TEN1: variants seen among roughly 807,000 people sequenced by gnomAD.
TEN1 encodes the protein TEN1 subunit of CST complex.
TEN1 carries 6 observed loss-of-function variants against 9.3 expected under a neutral mutation model. That is an observed-to-expected ratio of 0.65 (90% CI 0.35 to 1.27). The LOEUF (loss-of-function observed/expected upper bound fraction) is 1.27, where lower values mean the gene tolerates loss of function less well. TEN1 is among the 50% of genes most tolerant of loss of function. TEN1 has a pLI of 0.03. For synonymous variants in TEN1, 65 were observed against 65.6 expected (o/e 0.99, Z 0.04); for missense variants, 149 against 158.2 (o/e 0.94, Z 0.31).
chr17:75,981,434 G>A (rs982120030), intron 1 of TEN1, among the ~76,000 whole-genome samples: 1 of 152,046 alleles, frequency 6.6e-6, no homozygotes. Flanking sequence ...TGATCCGCTC[G>A]CCTCAGCCTT....
At chr17:75,984,173 G>A (rs1000082215) in intron 1 of TEN1, among the ~76,000 whole-genome samples, 2 of 152,190 alleles carry the variant, frequency 1.3e-5, no homozygotes, top group Non-Finnish European at 2.9e-5. Flanking sequence ...AAAGGCAAGA[G>A]GGGGACTGGC....
At chr17:75,992,618 T>G (rs1384078723) in intron 3 of TEN1, among the ~76,000 whole-genome samples, 2 of 150,768 alleles carry the variant, frequency 1.3e-5, no homozygotes, top group Non-Finnish European at 1.5e-5. Flanking sequence ...GTTCACGCCA[T>G]TCTCCTGCCT....
chr17:75,997,992 C>T (rs1031649109), intron 3 of TEN1, among the ~76,000 whole-genome samples: 2 of 151,638 alleles, frequency 1.3e-5, no homozygotes, highest in African/African-American at 2.4e-5. Context: ...GCTGGGATTA[C>T]AGGTGCCCGC....
intron 3 of TEN1, among the ~76,000 whole-genome samples, chr17:75,992,408 C>G (rs928898267): frequency 2.0e-5 from 3 of 151,632 alleles, no homozygotes; most frequent in South Asian, 2.1e-4. Context: ...TTAAAATTTT[C>G]TGTGGAGACA....
rs559975542 is a variant in TEN1 at position 75,991,601 on chromosome 17, C to T, written c.228C>T (p.Leu76=). ...AGGTGGGCTCCCTGTACATCGTCCT[C>T]GGGGAGCTCCAGCATCAGCAGGGTG... ...HAQVGSLYIV[L]GELQHQQDRG... is the part of the protein sequence containing the mutation. Residue 76 remains leucine (L), a synonymous_variant, in exon 3 of 4, where the codon CTC becomes CTT. Coordinates refer to ENST00000397640, the MANE Select transcript of TEN1 (RefSeq NM_001113324.3). The T allele has an allele frequency of 2.7e-5, 42 of 1,551,768 alleles. No individual in the cohort carries two copies. The highest frequency in any genetic ancestry group is 1.5e-4 in the East Asian group (6 of 40,922).
chr17:75,986,190 C>G lies in TEN1; in HGVS notation c.-3C>G. 1.9e-6 allele frequency: 3 copies of G among 1,545,830 alleles called. No homozygotes were observed. The highest frequency in any genetic ancestry group is 2.6e-6 in the Non-Finnish European group (3 of 1,144,412). The stretch of plus-strand genomic sequence containing the variant: ...CCTCTCAACTATTTGGTTACAGGAG[C>G]CCATGATGCTGCCCAAACCTGGGAC... On this transcript the variant is annotated 5_prime_UTR_variant, in exon 2 of 4. Coordinates refer to ENST00000397640, the MANE Select transcript of TEN1 (RefSeq NM_001113324.3).
intron 1 of TEN1, among the ~76,000 whole-genome samples, chr17:75,985,730 G>A (rs2066147386): frequency 6.6e-6 from 1 of 150,888 alleles, no homozygotes. Context: ...CTCCATGTTG[G>A]TCAGGCTGGT....
rs376979590 is a variant in TEN1 at position 75,986,266 on chromosome 17, C to G, written c.74C>G (p.Thr25Arg). Residue 25 changes from threonine (T) to arginine (R), a missense_variant, in exon 2 of 4, where the codon ACG (threonine) becomes AGG (arginine). Physicochemically the swap from Thr to Arg is moderately conservative, Grantham distance 71. Transcript: ENST00000397640. ...GCAGGCCAAGTTCCTGATGGGAGCA[C>G]GCTGAGAACATTTGGCAGGTGAGAA... Reference protein sequence around the residue: ...VSAGQVPDGSTLRTFGRLCLY... With the variant: ...VSAGQVPDGSRLRTFGRLCLY... 2.6e-6 allele frequency: 4 copies of G among 1,547,986 alleles called. No individual in the cohort carries two copies. Among genetic ancestry groups the G allele is most frequent in the Non-Finnish European group, 3.5e-6 (4 of 1,145,308 alleles).
Position 76,000,373 on chromosome 17 carries a change from C to G in TEN1, c.*111C>G. The G allele has an allele frequency of 7.1e-7, 1 of 1,409,128 alleles. No homozygotes were observed. Among genetic ancestry groups the G allele is most frequent in the Non-Finnish European group, 9.4e-7 (1 of 1,068,262 alleles). 87.3% of individuals were successfully genotyped at this position (1,409,128 alleles called of 1,614,324 possible). A position where few individuals can be genotyped will look rare whatever the true frequency, so the allele number is the denominator to read the frequency against. On this transcript the variant is annotated 3_prime_UTR_variant, in exon 4 of 4. Transcript: ENST00000397640. This position sits in a 1 kb window ranked among gnomAD's most constrained non-coding sequence, Gnocchi z 5.9. ...CCCAGCGACGGCCTTGTCTGGAGCT[C>G]GAAAGCCGAGGGGCGGGTGATGAAT...
At chr17:75,999,859 C>G (rs1214685699) in intron 3 of TEN1, among the ~76,000 whole-genome samples, 1 of 152,090 alleles carries the variant, frequency 6.6e-6, no homozygotes, top group African/African-American at 2.4e-5. Context: ...TCCCCGGTTC[C>G]TGATGACATT....
At chr17:75,990,483 A>C (rs1018532807) in intron 2 of TEN1, among the ~76,000 whole-genome samples, 1 of 151,682 alleles carries the variant, frequency 6.6e-6, no homozygotes, top group Admixed American at 6.6e-5. Flanking sequence ...TACAACTTTG[A>C]GTAGGCAAAG....
At position 75,986,169 on chromosome 17, in the gene TEN1, T is replaced by A. The variant is rs1467352547; in HGVS notation, c.-6-18T>A. On this transcript the variant is annotated intron_variant, in intron 1 of 3. Transcript: ENST00000397640. ...TTATCAGGAATCTTCAAAATCCCTC[T>A]CAACTATTTGGTTACAGGAGCCCAT... 3.6e-5 allele frequency: 55 copies of A among 1,528,836 alleles called. No individual in the cohort carries two copies. The highest frequency in any genetic ancestry group is 4.7e-5 in the Non-Finnish European group (53 of 1,134,452). The allele number at this position is 1,528,836 out of a possible 1,614,324, so 94.7% of individuals were successfully genotyped here.
chr17:75,985,674 G>A (rs1004741314), intron 1 of TEN1, among the ~76,000 whole-genome samples: 3 of 152,026 alleles, frequency 2.0e-5, no homozygotes, highest in Admixed American at 6.6e-5. Context: ...ACAGGCATGC[G>A]CCACCATGCC....
chr17:75,980,217 T>TA (rs2066107039), intron 1 of TEN1, among the ~76,000 whole-genome samples: 1 of 152,070 alleles, frequency 6.6e-6, no homozygotes, highest in South Asian at 2.1e-4. Context: ...CATGCGCCTG[T>TA]AGTCCCAGCT....
At chr17:75,996,648 G>T (rs1188413181) in intron 3 of TEN1, among the ~76,000 whole-genome samples, 1 of 148,702 alleles carries the variant, frequency 6.7e-6, no homozygotes, top group Non-Finnish European at 1.5e-5. Context: ...GGCAGAGATT[G>T]CAGTGAGCTG....
At chr17:75,991,418 G>A in intron 2 of TEN1, 48 bp from the exon 3 acceptor site, 1 of 1,542,148 alleles carries the variant, frequency 6.5e-7, no homozygotes, top group Non-Finnish European at 8.8e-7. Flanking sequence ...GAGCGTGGTG[G>A]TGATTCTACG....
At chr17:75,981,631 C>T (rs1445856702) in intron 1 of TEN1, among the ~76,000 whole-genome samples, 2 of 150,450 alleles carry the variant, frequency 1.3e-5, no homozygotes, top group Non-Finnish European at 3.0e-5. Context: ...GTCCTCCTCT[C>T]CCTCAGGTGC....
chr17:75,991,472 C>T lies in TEN1; in HGVS notation c.99C>T (p.Cys33=), dbSNP rs1379344017. The change falls in exon 3 of 4, where the codon TGC becomes TGT. Residue 33 remains cysteine, a synonymous_variant. Coordinates refer to ENST00000397640, the MANE Select transcript of TEN1 (RefSeq NM_001113324.3). ...CATTTCTTCTGCCTTCCAGGTTGTGCCTCTATGACATGATTCAGTCCAGAG... is the reference window on the plus strand; with the variant it reads ...CATTTCTTCTGCCTTCCAGGTTGTGTCTCTATGACATGATTCAGTCCAGAG... ...GSTLRTFGRL[C]LYDMIQSRVT... 5.2e-6 allele frequency: 8 copies of T among 1,552,096 alleles called. 1 individual carries two copies. In the Middle Eastern group the frequency reaches 8.3e-4, roughly 161 times the overall value.
chr17:75,987,920 A>C (rs2066161975), intron 2 of TEN1, among the ~76,000 whole-genome samples: 1 of 103,582 alleles, frequency 9.7e-6, no homozygotes, highest in African/African-American at 1.1e-4. Flanking sequence ...CCATCTCAAA[A>C]AAAAAAAAAA....
Sources: allele counts gnomAD v4.1 joint callset (sites outside exome capture counted in the v4.1 genomes callset), GRCh38; gene constraint gnomAD v4.1.1; non-coding constraint Gnocchi (gnomAD v3.1); transcripts MANE v1.5; gene names NCBI Gene and HGNC (gene_info 2026-07-23, HGNC 2026-07-21).